SAMD12: variants seen among roughly 807,000 people sequenced by gnomAD.
SAMD12 encodes the protein sterile alpha motif domain-containing protein 12.
SAMD12 carries 9 observed loss-of-function variants against 15.0 expected under a neutral mutation model. That is an observed-to-expected ratio of 0.60 (90% CI 0.36 to 1.05). The LOEUF is 1.05. SAMD12 is among the 50% of genes least tolerant of loss of function. The probability of loss-of-function intolerance (pLI) is 0.01; values close to 1 mark genes in which losing one functional copy is unlikely to be tolerated. For synonymous variants in SAMD12, 86 were observed against 90.1 expected (o/e 0.96, Z 0.25); for missense variants, 230 against 234.2 (o/e 0.98, Z 0.12).
the SAMD12 span, among the ~76,000 whole-genome samples, chr8:118,177,559 C>T: frequency 1.2e-4 from 18 of 152,152 alleles, no homozygotes; most frequent in South Asian, 1.5e-3. Flanking sequence ...TGAGGATTAA[C>T]GCCTGGGAAG....
At chr8:118,316,527 T>G (rs894224328) in intron 4 of SAMD12, among the ~76,000 whole-genome samples, 27 of 151,176 alleles carry the variant, frequency 1.8e-4, no homozygotes, top group African/African-American at 6.1e-4. Context: ...AGAACAAGAC[T>G]GCCTCAAAAC....
At chr8:118,445,011 A>G (rs1822869203) in intron 2 of SAMD12, among the ~76,000 whole-genome samples, 2 of 152,196 alleles carry the variant, frequency 1.3e-5, no homozygotes, top group African/African-American at 4.8e-5. Context: ...GGTTTAGTAT[A>G]TCATTATAAG....
chr8:118,444,828 A>C (rs1822861957), intron 2 of SAMD12, among the ~76,000 whole-genome samples: 1 of 152,164 alleles, frequency 6.6e-6, no homozygotes, highest in South Asian at 2.1e-4. Flanking sequence ...ATTTTCTTTT[A>C]ATTTACTGGG....
intron 2 of SAMD12, among the ~76,000 whole-genome samples, chr8:118,450,055 C>A (rs1823033022): frequency 6.6e-6 from 1 of 152,036 alleles, no homozygotes. Flanking sequence ...CAATTCCATG[C>A]CAAAGATACA....
At chr8:118,143,561 G>A in the SAMD12 span, among the ~76,000 whole-genome samples, 129 of 152,244 alleles carry the variant, frequency 8.5e-4, no homozygotes, top group African/African-American at 3.0e-3. Flanking sequence ...CTTTGAAGCC[G>A]TTCTCTATCT....
intron 2 of SAMD12, among the ~76,000 whole-genome samples, chr8:118,516,604 G>T (rs1825250951): frequency 6.6e-6 from 1 of 150,836 alleles, no homozygotes; most frequent in Non-Finnish European, 1.5e-5. Context: ...TCTAACTTGT[G>T]ACTCTTTGCT....
intron 2 of SAMD12, among the ~76,000 whole-genome samples, chr8:118,552,736 A>T (rs1826382978): frequency 6.6e-6 from 1 of 152,352 alleles, no homozygotes; most frequent in South Asian, 2.1e-4. Flanking sequence ...AGAGGAAGTC[A>T]AATTGTCCCT....
At chr8:118,391,909 A>C (rs1820296390) in intron 3 of SAMD12, among the ~76,000 whole-genome samples, 2 of 152,238 alleles carry the variant, frequency 1.3e-5, no homozygotes, top group African/African-American at 4.8e-5. Flanking sequence ...ATGACCATGA[A>C]GACCATGAGA....
chr8:118,267,013 T>C (rs898905431), intron 4 of SAMD12, among the ~76,000 whole-genome samples: 2 of 152,144 alleles, frequency 1.3e-5, no homozygotes, highest in Non-Finnish European at 2.9e-5. Flanking sequence ...ATGGTAACTG[T>C]GAGATAATAC....
chr8:118,531,990 A>G (rs1302199007), intron 2 of SAMD12, among the ~76,000 whole-genome samples: 2 of 152,202 alleles, frequency 1.3e-5, no homozygotes, highest in Non-Finnish European at 2.9e-5. Flanking sequence ...GAGCGAGGGC[A>G]TCCCTGTCTT....
chr8:118,351,848 C>T (rs147827729), intron 4 of SAMD12, among the ~76,000 whole-genome samples: 2 of 152,188 alleles, frequency 1.3e-5, no homozygotes, highest in Admixed American at 1.3e-4. Flanking sequence ...AAAATGAGAG[C>T]AGATTGTCTG....
chr8:118,324,038 C>A (rs1226748489), intron 4 of SAMD12, among the ~76,000 whole-genome samples: 1 of 152,106 alleles, frequency 6.6e-6, no homozygotes, highest in East Asian at 1.9e-4. Flanking sequence ...TACCCTTAAT[C>A]CCATTACCCA....
intron 2 of SAMD12, among the ~76,000 whole-genome samples, chr8:118,547,505 C>A (rs1826166081): frequency 6.6e-6 from 1 of 152,194 alleles, no homozygotes; most frequent in Admixed American, 6.5e-5. Flanking sequence ...AAATCCACAT[C>A]TCATTTACCC....
At chr8:118,565,714 C>G (rs1826828990) in intron 2 of SAMD12, among the ~76,000 whole-genome samples, 1 of 152,152 alleles carries the variant, frequency 6.6e-6, no homozygotes, top group South Asian at 2.1e-4. Flanking sequence ...GTGATTCCCC[C>G]CACCACACTG....
chr8:118,167,890 G>C, the SAMD12 span, among the ~76,000 whole-genome samples: 2 of 152,070 alleles, frequency 1.3e-5, no homozygotes, highest in African/African-American at 4.8e-5. Context: ...TGGCTGGGGA[G>C]CATTGACATC....
At chr8:118,479,853 T>C (rs1191173223) in intron 2 of SAMD12, among the ~76,000 whole-genome samples, 2 of 151,978 alleles carry the variant, frequency 1.3e-5, no homozygotes, top group Middle Eastern at 3.2e-3. Flanking sequence ...TGATCACTGC[T>C]ACATCCCTGG....
rs112701346 is a variant in SAMD12 at position 118,467,269 on chromosome 8, C to T, written c.193-27308G>A. On this transcript the variant is annotated intron_variant, in intron 2 of 3. Coordinates refer to ENST00000314727, the MANE Select transcript of SAMD12 (RefSeq NM_207506.3). Reference sequence around the variant, plus strand: ...GGTTCAAATCCCAGCTTGACACCTACATAACTCAGAACAAATCTTCTTAGT... The same window carrying T: ...GGTTCAAATCCCAGCTTGACACCTATATAACTCAGAACAAATCTTCTTAGT... 5.3e-3 allele frequency among the ~76,000 whole-genome samples: 811 copies of T among 152,262 alleles called. 4 individuals are homozygous for T. The highest frequency in any genetic ancestry group is 0.016 in the African/African-American group (646 of 41,538).
chr8:118,140,607 A>G, the SAMD12 span, among the ~76,000 whole-genome samples: 1 of 151,980 alleles, frequency 6.6e-6, no homozygotes, highest in African/African-American at 2.4e-5. Flanking sequence ...TTTCCCTGCA[A>G]TCTGTATTGG....
chr8:118,368,217 G>C (rs1818896048), intron 4 of SAMD12, among the ~76,000 whole-genome samples: 2 of 152,164 alleles, frequency 1.3e-5, no homozygotes, highest in Admixed American at 1.3e-4. Context: ...GTAGCAGTTC[G>C]AGAAAATGTG....
Sources: allele counts gnomAD v4.1 joint callset (sites outside exome capture counted in the v4.1 genomes callset), GRCh38; gene constraint gnomAD v4.1.1; transcripts MANE v1.5; gene names NCBI Gene and HGNC (gene_info 2026-07-23, HGNC 2026-07-21).